The following USP10 variants were observed in gnomAD, a reference collection of about 807,000 sequenced individuals.
The protein encoded by USP10 is ubiquitin carboxyl-terminal hydrolase 10.
USP10 carries 22 observed loss-of-function variants against 84.5 expected under a neutral mutation model. That is an observed-to-expected ratio of 0.26 (90% CI 0.19 to 0.37). The LOEUF is 0.37. Ranked by LOEUF, USP10 falls within the 10% of genes least tolerant of loss-of-function variation. USP10 has a pLI of 1.00. For synonymous variants in USP10, 454 were observed against 387.6 expected (o/e 1.17, Z -2.01); for missense variants, 1,019 against 998.9 (o/e 1.02, Z -0.27).
At chr16:84,720,153 T>C (rs1413549801) in intron 1 of USP10, among the ~76,000 whole-genome samples, 1 of 152,200 alleles carries the variant, frequency 6.6e-6, no homozygotes, top group Non-Finnish European at 1.5e-5. Flanking sequence ...CTGCTGACAG[T>C]GGCCAGCAAA....
intron 1 of USP10, among the ~76,000 whole-genome samples, chr16:84,709,631 G>A (rs1177304733): frequency 3.3e-5 from 5 of 152,134 alleles, no homozygotes; most frequent in African/African-American, 1.2e-4. Flanking sequence ...GGAGGGTGCC[G>A]TGGAGGTGGA....
intron 1 of USP10, among the ~76,000 whole-genome samples, chr16:84,700,563 C>T (rs879858770): frequency 2.6e-5 from 4 of 152,116 alleles, no homozygotes; most frequent in Non-Finnish European, 4.4e-5. Context: ...TTTGGGGGTG[C>T]CCTGTTGCCC....
intron 13 of USP10, among the ~76,000 whole-genome samples, chr16:84,775,848 C>G (rs1430745412): frequency 6.6e-6 from 1 of 152,074 alleles, no homozygotes; most frequent in Non-Finnish European, 1.5e-5. Context: ...CCTTTCCTTT[C>G]TGCCTTCCCT....
chr16:84,729,585 G>T (rs1331469649), intron 1 of USP10, among the ~76,000 whole-genome samples: 1 of 152,228 alleles, frequency 6.6e-6, no homozygotes, highest in East Asian at 1.9e-4. Context: ...TCCCCGGGAG[G>T]CTGAGCGCCT....
intron 10 of USP10, among the ~76,000 whole-genome samples, chr16:84,765,159 G>A (rs1489638656): frequency 6.6e-6 from 1 of 151,814 alleles, no homozygotes; most frequent in African/African-American, 2.4e-5. Flanking sequence ...TTAATAAATT[G>A]TGTATATTTA....
At position 84,778,883 on chromosome 16, in the gene USP10, GCT is replaced by G. The variant is rs1915291585; in HGVS notation, c.2210-7_2210-6del. 2 of 1,610,288 alleles carry G rather than the reference GCT, an allele frequency of 1.2e-6. No homozygotes were observed. The highest frequency in any genetic ancestry group is 1.7e-4 in the Middle Eastern group (1 of 5,930). ...CTGTTCTCACTCTGCTGCCTGCTGGGCTCTCTTCCAGTGGTCTACCATCACGG... is the reference window on the plus strand; with the variant it reads ...CTGTTCTCACTCTGCTGCCTGCTGGGCTCTTCCAGTGGTCTACCATCACGG... On this transcript the variant is annotated splice_polypyrimidine_tract_variant and intron_variant, in intron 13 of 13. Coordinates refer to ENST00000219473, the MANE Select transcript of USP10 (RefSeq NM_005153.3).
intron 12 of USP10, among the ~76,000 whole-genome samples, chr16:84,774,506 T>C (rs531863060): frequency 2.2e-5 from 1 of 45,344 alleles, no homozygotes; most frequent in South Asian, 7.1e-4. Context: ...TTTCTTGCTC[T>C]GTCACCCAGG....
At chr16:84,744,482 C>A in intron 3 of USP10, 151 bp from the exon 4 acceptor site, 1 of 631,534 alleles carries the variant, frequency 1.6e-6, no homozygotes, top group Non-Finnish European at 2.5e-6. Context: ...TTTCATTTTC[C>A]GCAAATTGTT....
rs1206219128 is a variant in USP10, at chr16:84,744,742, C to T, written c.261C>T (p.Ala87=). The T allele has an allele frequency of 1.9e-6, 3 of 1,613,592 alleles. No homozygotes were observed. The highest frequency in any genetic ancestry group is 1.3e-5 in the African/African-American group (1 of 74,972). The change falls in exon 4 of 14, where the codon GCC becomes GCT. Residue 87 remains alanine, a synonymous_variant. Coordinates refer to ENST00000219473, the MANE Select transcript of USP10 (RefSeq NM_005153.3). ...TTTCAAGCACACTGAACCCTCAGGC[C>T]CCTGAATTTATTCTCGGTTGTACAG... ...YSISSTLNPQ[A]PEFILGCTAS... is the part of the protein sequence containing the mutation.
intron 1 of USP10, among the ~76,000 whole-genome samples, chr16:84,727,932 A>G (rs1001244319): frequency 1.8e-4 from 27 of 152,336 alleles, no homozygotes; most frequent in African/African-American, 6.5e-4. Context: ...TGTCCTTTCT[A>G]GAATTTTCCC....
intron 4 of USP10, among the ~76,000 whole-genome samples, chr16:84,756,803 G>T (rs925236442): frequency 6.6e-6 from 1 of 152,164 alleles, no homozygotes; most frequent in East Asian, 1.9e-4. Flanking sequence ...TTGCTGTTCT[G>T]TGGCACACAC....
At chr16:84,702,513 A>G (rs1454701521) in intron 1 of USP10, among the ~76,000 whole-genome samples, 6 of 152,214 alleles carry the variant, frequency 3.9e-5, no homozygotes, top group Non-Finnish European at 7.3e-5. Context: ...AGAGTCTTGC[A>G]GCCTTAATGG....
At chr16:84,702,876 C>A (rs1377377199) in intron 1 of USP10, among the ~76,000 whole-genome samples, 1 of 150,528 alleles carries the variant, frequency 6.6e-6, no homozygotes, top group East Asian at 2.0e-4. Flanking sequence ...GCCTGTAGTC[C>A]CAGGTACTTG....
At chr16:84,718,608 T>G (rs888401788) in intron 1 of USP10, among the ~76,000 whole-genome samples, 2 of 151,760 alleles carry the variant, frequency 1.3e-5, no homozygotes, top group African/African-American at 4.8e-5. Context: ...ATACAAAAAT[T>G]AGCCCAGACA....
intron 3 of USP10, among the ~76,000 whole-genome samples, chr16:84,744,071 AATCTTTTTTTGAC>A (rs940820601): frequency 6.9e-6 from 1 of 144,790 alleles, no homozygotes; most frequent in Non-Finnish European, 1.5e-5. Flanking sequence ...GTTGTTGTTG[AATCTTTTTTTGAC>A]ATCTTTTTTT....
chr16:84,727,463 C>A (rs1414885141), intron 1 of USP10, among the ~76,000 whole-genome samples: 1 of 71,198 alleles, frequency 1.4e-5, no homozygotes, highest in Non-Finnish European at 4.4e-5. Context: ...TTTAAAAAAA[C>A]AAACAAACAA....
chr16:84,750,263 A>G (rs1465119010), intron 4 of USP10, among the ~76,000 whole-genome samples: 2 of 151,928 alleles, frequency 1.3e-5, no homozygotes, highest in African/African-American at 2.4e-5. Flanking sequence ...AAAAAATTAG[A>G]TGGACGTGGT....
In USP10 at chr16:84,775,223, C is replaced by A; in HGVS notation, c.2207C>A (p.Ala736Glu). 1 of 1,613,226 alleles carries A rather than the reference C, an allele frequency of 6.2e-7. No homozygotes were observed. ...FKCHRTYRLF[A>E]VVYHHGNSAT... is the part of the protein sequence containing the mutation. ...TGCCACCGAACCTATCGGCTCTTTGCAGGTGAGTAAATTTGTACGACATTA... is the reference window on the plus strand; with the variant it reads ...TGCCACCGAACCTATCGGCTCTTTGAAGGTGAGTAAATTTGTACGACATTA... Residue 736 changes from alanine to glutamate, a missense_variant and splice_region_variant, in exon 13 of 14, where the codon GCA (alanine) becomes GAA (glutamate). Coordinates refer to ENST00000219473, the MANE Select transcript of USP10 (RefSeq NM_005153.3).
chr16:84,768,276 A>G lies in USP10; in HGVS notation c.1916A>G (p.Lys639Arg), dbSNP rs1424386495. 7.5e-6 allele frequency: 12 copies of G among 1,607,572 alleles called. No individual in the cohort carries two copies. Among genetic ancestry groups the G allele is most frequent in the South Asian group, 1.1e-5 (1 of 89,562 alleles). Residue 639 changes from lysine (K) to arginine (R), a missense_variant, in exon 11 of 14, where the codon AAG becomes AGG. By Grantham distance (26) the Lys-to-Arg change is conservative (BLOSUM62 2). This residue lies in a region of USP10 where 232 missense variants were observed against 290.1 expected (regional missense o/e 0.80). Coordinates refer to ENST00000219473, the MANE Select transcript of USP10 (RefSeq NM_005153.3). ...FTLQLDIQSD[K>R]IRTVQDALES... ...TTGCAGTTGGATATCCAGTCAGACAAGATACGCACAGTCCAGGATGCACTG... is the reference window on the plus strand; with the variant it reads ...TTGCAGTTGGATATCCAGTCAGACAGGATACGCACAGTCCAGGATGCACTG...
Sources: gnomAD v4.1 joint callset for allele counts (sites outside exome capture counted in the v4.1 genomes callset) on GRCh38, gnomAD v4.1.1 for gene constraint, gnomAD v4.1.1 regional missense constraint, MANE v1.5 for transcripts, NCBI Gene and HGNC (gene_info 2026-07-23, HGNC 2026-07-21) for gene names.